CR1L: variants seen among roughly 807,000 people sequenced by gnomAD.
CR1L encodes the protein complement component receptor 1-like protein.
A neutral mutation model predicts 62.3 loss-of-function variants in CR1L; 59 were observed. That is an observed-to-expected ratio of 0.95 (90% CI 0.77 to 1.18). The LOEUF (loss-of-function observed/expected upper bound fraction) is 1.18, where lower values mean the gene tolerates loss of function less well. Among genes scored for constraint, CR1L ranks in the 50% most tolerant of loss-of-function variants. CR1L has a pLI of 0.00. For synonymous variants in CR1L, 279 were observed against 248.7 expected (o/e 1.12, Z -1.15); for missense variants, 700 against 702.8 (o/e 1.00, Z 0.04).
chr1:207,694,770 T>C lies in CR1L; in HGVS notation c.862+19T>C. ...TCCAGGGGTGAGTCTGACTGAGGCC[T>C]AGAAGGGCCCTGCCAGTGACATGCA... On this transcript the variant is annotated intron_variant, in intron 5 of 11. Coordinates refer to ENST00000508064, the MANE Select transcript of CR1L (RefSeq NM_175710.2). 1.9e-6 allele frequency: 3 copies of C among 1,611,818 alleles called. No homozygotes were observed. The highest frequency in any genetic ancestry group is 2.5e-6 in the Non-Finnish European group (3 of 1,179,706).
chr1:207,708,735 G>C (rs1190786775), intron 10 of CR1L, among the ~76,000 whole-genome samples: 1 of 152,150 alleles, frequency 6.6e-6, no homozygotes, highest in Non-Finnish European at 1.5e-5. Flanking sequence ...TCTACATTTT[G>C]GGGAGCAAAG....
In CR1L at chr1:207,676,244, T is replaced by A. The variant is rs1663690004; in HGVS notation, c.98-1145T>A. On this transcript the variant is annotated intron_variant, in intron 1 of 11. Coordinates refer to ENST00000508064, the MANE Select transcript of CR1L (RefSeq NM_175710.2). ...AGCAGAGACTTTTTAAATGGATGGA[T>A]GCTGATTTTTTTTTTAAAAAAAGAG... is the stretch of plus-strand genomic sequence containing the variant. 2.0e-5 allele frequency among the ~76,000 whole-genome samples: 3 copies of A among 152,110 alleles called. No individual in the cohort carries two copies. In the East Asian group the frequency reaches 5.8e-4, roughly 29 times the overall value.
intron 1 of CR1L, among the ~76,000 whole-genome samples, chr1:207,672,968 C>G (rs1263557645): frequency 6.6e-6 from 1 of 152,162 alleles, no homozygotes; most frequent in Non-Finnish European, 1.5e-5. Context: ...CTTAATAAGA[C>G]GAACTCCAGA....
At chr1:207,674,898 G>C (rs1030410321) in intron 1 of CR1L, among the ~76,000 whole-genome samples, 1 of 151,312 alleles carries the variant, frequency 6.6e-6, no homozygotes, top group Admixed American at 6.6e-5. Context: ...TCAAAGTGCT[G>C]TTATCTATCC....
chr1:207,704,828 C>A (rs1384223313), intron 9 of CR1L, among the ~76,000 whole-genome samples: 1 of 152,136 alleles, frequency 6.6e-6, no homozygotes, highest in Admixed American at 6.5e-5. Flanking sequence ...ACTGAAAAAT[C>A]AAAAAATTCA....
chr1:207,722,655 A>G (rs1275695075), intron 11 of CR1L, among the ~76,000 whole-genome samples: 1 of 152,182 alleles, frequency 6.6e-6, no homozygotes, highest in Non-Finnish European at 1.5e-5. Context: ...TAAATTGTCC[A>G]TTAAATTAAC....
chr1:207,715,053 T>C (rs1434590511), intron 10 of CR1L, among the ~76,000 whole-genome samples: 1 of 152,206 alleles, frequency 6.6e-6, no homozygotes, highest in African/African-American at 2.4e-5. Flanking sequence ...ATGAAGTTTA[T>C]ATGGCACTTC....
At chr1:207,656,353 A>T (rs748881460) in intron 1 of CR1L, among the ~76,000 whole-genome samples, 1 of 152,258 alleles carries the variant, frequency 6.6e-6, no homozygotes, top group Non-Finnish European at 1.5e-5. Context: ...GATATATTTA[A>T]AAATTGCAAA....
chr1:207,682,567 C>G (rs1286460663), intron 3 of CR1L, among the ~76,000 whole-genome samples: 1 of 152,172 alleles, frequency 6.6e-6, no homozygotes, highest in Non-Finnish European at 1.5e-5. Flanking sequence ...CAGAAGGACC[C>G]ACTGTTGTCT....
At chr1:207,667,759 CA>C (rs1235971139) in intron 1 of CR1L, among the ~76,000 whole-genome samples, 1 of 144,014 alleles carries the variant, frequency 6.9e-6, no homozygotes, top group Admixed American at 6.7e-5. Flanking sequence ...AAAATGTTTG[CA>C]ACCTATGCCT....
chr1:207,706,045 A>ATATATATATATATATATATATATATATAT (rs1571531605), intron 9 of CR1L, among the ~76,000 whole-genome samples: 1 of 141,876 alleles, frequency 7.0e-6, no homozygotes, highest in Non-Finnish European at 1.5e-5. Context: ...ATATATATAT[A>ATATATATATATATATATATATATATATAT]AAACACTGAA....
At chr1:207,662,958 A>G (rs996497968) in intron 1 of CR1L, among the ~76,000 whole-genome samples, 3 of 152,356 alleles carry the variant, frequency 2.0e-5, no homozygotes, top group Non-Finnish European at 4.4e-5. Context: ...GCTGCAGAAC[A>G]GCGGATACTG....
intron 4 of CR1L, among the ~76,000 whole-genome samples, chr1:207,685,699 G>A (rs1174969336): frequency 1.3e-5 from 2 of 152,160 alleles, no homozygotes; most frequent in African/African-American, 2.4e-5. Flanking sequence ...TACAGAGAAT[G>A]AGCCATCGCA....
intron 1 of CR1L, among the ~76,000 whole-genome samples, chr1:207,661,454 C>T (rs1663419537): frequency 1.3e-5 from 2 of 152,152 alleles, no homozygotes; most frequent in South Asian, 4.1e-4. Flanking sequence ...TTATCAGAGA[C>T]TAGGATTGCA....
intron 3 of CR1L, among the ~76,000 whole-genome samples, chr1:207,680,594 AAAG>A (rs1007868583): frequency 6.6e-6 from 1 of 152,196 alleles, no homozygotes; most frequent in African/African-American, 2.4e-5. Flanking sequence ...GCTTCCTACC[AAAG>A]AATTGTATAT....
At chr1:207,704,845 TTGG>T (rs1348734625) in intron 9 of CR1L, among the ~76,000 whole-genome samples, 3 of 152,228 alleles carry the variant, frequency 2.0e-5, no homozygotes, top group Admixed American at 6.5e-5. Flanking sequence ...TTCATATGAC[TTGG>T]TTTGTTGTGA....
chr1:207,699,329 T>C, intron 8 of CR1L, 55 bp downstream of exon 8: 2 of 1,604,224 alleles, frequency 1.2e-6, no homozygotes, highest in Non-Finnish European at 1.7e-6. Context: ...CTGTTCAGTA[T>C]TTGACCCATG....
intron 1 of CR1L, 95 bp downstream of exon 1, chr1:207,645,425 C>T: frequency 7.3e-7 from 1 of 1,375,812 alleles, no homozygotes; most frequent in Admixed American, 1.7e-5. Context: ...CACTGCACGT[C>T]GTGCCTGCTT....
chr1:207,702,709 A>T (rs1664212223), intron 9 of CR1L, among the ~76,000 whole-genome samples: 1 of 152,228 alleles, frequency 6.6e-6, no homozygotes, highest in African/African-American at 2.4e-5. Flanking sequence ...TATTTCCTTA[A>T]GCTAAAGCCT....
Sources: allele counts gnomAD v4.1 joint callset (sites outside exome capture counted in the v4.1 genomes callset), GRCh38; gene constraint gnomAD v4.1.1; transcripts MANE v1.5; gene names NCBI Gene and HGNC (gene_info 2026-07-23, HGNC 2026-07-21).